ZNF385D: variants seen among roughly 807,000 people sequenced by gnomAD.
ZNF385D encodes the protein zinc finger protein 659.
ZNF385D carries 15 observed loss-of-function variants against 35.8 expected under a neutral mutation model. That is an observed-to-expected ratio of 0.42 (90% CI 0.28 to 0.64). The LOEUF is 0.64. Among genes scored for constraint, ZNF385D ranks in the 30% least tolerant of loss-of-function variants. ZNF385D has a pLI of 0.23. For synonymous variants in ZNF385D, 212 were observed against 186.8 expected (o/e 1.13, Z -1.10); for missense variants, 474 against 494.6 (o/e 0.96, Z 0.39).
chr3:21,569,500 T>G (rs2063259247), intron 2 of ZNF385D, among the ~76,000 whole-genome samples: 1 of 151,002 alleles, frequency 6.6e-6, no homozygotes, highest in African/African-American at 2.5e-5. Context: ...CACTGATGGG[T>G]CTTGACTCTT....
At chr3:21,519,689 A>C (rs1424873547) in intron 3 of ZNF385D, among the ~76,000 whole-genome samples, 1 of 152,176 alleles carries the variant, frequency 6.6e-6, no homozygotes, top group Non-Finnish European at 1.5e-5. Flanking sequence ...TAAATCAGAG[A>C]TCTAAATGAC....
chr3:22,232,552 T>TG (rs1698956441), intron 2 of ZNF385D, among the ~76,000 whole-genome samples: 1 of 152,136 alleles, frequency 6.6e-6, no homozygotes, highest in Admixed American at 6.6e-5. Context: ...TCCCCATCCC[T>TG]GACAGGCCCT....
At chr3:21,831,781 T>C (rs1437637337) in intron 3 of ZNF385D, among the ~76,000 whole-genome samples, 3 of 152,196 alleles carry the variant, frequency 2.0e-5, no homozygotes, top group Non-Finnish European at 4.4e-5. Flanking sequence ...CTGAGTCTGA[T>C]CAATTCTGGA....
intron 2 of ZNF385D, among the ~76,000 whole-genome samples, chr3:22,284,531 T>C (rs761887303): frequency 4.6e-5 from 7 of 151,888 alleles, no homozygotes; most frequent in Admixed American, 2.0e-4. Context: ...CTTTTATACA[T>C]CGTGCATCAA....
Position 21,437,058 on chromosome 3 carries a change from G to A in ZNF385D, c.585C>T (p.Thr195=), listed in dbSNP as rs146935576. 2.5e-6 allele frequency: 4 copies of A among 1,613,798 alleles called. No individual in the cohort carries two copies. In the African/African-American group the frequency reaches 4.0e-5, roughly 16 times the overall value. Residue 195 remains threonine, a synonymous_variant, in exon 5 of 8, where the codon ACC becomes ACT. Coordinates refer to ENST00000281523, the MANE Select transcript of ZNF385D (RefSeq NM_024697.3). ...GAAGCCGTTTTGCCTTTTCTTCCTC[G>A]GTCTCAGTAGAAGGACATGAGCTAT... is the stretch of plus-strand genomic sequence containing the variant. ...TGNSSCPSTE[T]EEEKAKRLLY...
intron 2 of ZNF385D, among the ~76,000 whole-genome samples, chr3:21,567,742 A>AAAATG (rs1408810900): frequency 6.6e-5 from 10 of 152,320 alleles, no homozygotes; most frequent in Non-Finnish European, 1.3e-4. Flanking sequence ...CTTTGAAATA[A>AAAATG]AAATGAACTG....
chr3:22,330,681 G>C (rs1295946602), intron 2 of ZNF385D, among the ~76,000 whole-genome samples: 1 of 152,152 alleles, frequency 6.6e-6, no homozygotes, highest in African/African-American at 2.4e-5. Context: ...CCTCTACACT[G>C]TGATGCATGT....
At chr3:21,665,154 T>C (rs1575422988) in intron 1 of ZNF385D, 126 bp from the exon 2 acceptor site, 1 of 1,245,638 alleles carries the variant, frequency 8.0e-7, no homozygotes, top group Non-Finnish European at 1.1e-6. Flanking sequence ...TGGACTCTAT[T>C]GACCTCAACT....
intron 3 of ZNF385D, among the ~76,000 whole-genome samples, chr3:21,988,553 G>C (rs1694952062): frequency 6.7e-6 from 1 of 149,674 alleles, no homozygotes; most frequent in African/African-American, 2.4e-5. Flanking sequence ...CATGCTGGGA[G>C]AACCACTGCT....
chr3:21,620,955 G>A (rs1281514361), intron 2 of ZNF385D, among the ~76,000 whole-genome samples: 1 of 152,086 alleles, frequency 6.6e-6, no homozygotes, highest in Non-Finnish European at 1.5e-5. Flanking sequence ...CTATGTGCCT[G>A]TGTGCTTATA....
chr3:22,254,256 T>C (rs1000885091), intron 2 of ZNF385D, among the ~76,000 whole-genome samples: 1 of 151,898 alleles, frequency 6.6e-6, no homozygotes, highest in African/African-American at 2.4e-5. Flanking sequence ...TGAGTCTTAC[T>C]AGCAAACATA....
At chr3:22,349,885 T>G (rs1253358916) in intron 2 of ZNF385D, among the ~76,000 whole-genome samples, 1 of 152,052 alleles carries the variant, frequency 6.6e-6, no homozygotes. Flanking sequence ...AATAACCAAT[T>G]AATAATATAA....
At chr3:22,089,219 C>G (rs1276307990) in intron 3 of ZNF385D, among the ~76,000 whole-genome samples, 2 of 152,300 alleles carry the variant, frequency 1.3e-5, no homozygotes, top group East Asian at 3.9e-4. Context: ...CAAAAATACT[C>G]TCCTACTTTC....
intron 3 of ZNF385D, among the ~76,000 whole-genome samples, chr3:21,810,519 T>C (rs1210936817): frequency 6.6e-6 from 1 of 152,052 alleles, no homozygotes; most frequent in Non-Finnish European, 1.5e-5. Context: ...ACTTAAAGTA[T>C]AATAAAAAAA....
At chr3:21,755,057 CCA>C (rs1242983964), upstream of ZNF385D, among the ~76,000 whole-genome samples, 1 of 152,180 alleles carries the variant, frequency 6.6e-6, no homozygotes, top group Non-Finnish European at 1.5e-5. Flanking sequence ...GTACTGCAGG[CCA>C]CAGTTTGTGA....
intron 2 of ZNF385D, among the ~76,000 whole-genome samples, chr3:21,615,627 C>T (rs573816780): frequency 1.3e-5 from 2 of 152,016 alleles, no homozygotes; most frequent in African/African-American, 4.8e-5. Context: ...TTTTTTTCAA[C>T]ATCAAAACAC....
At chr3:21,933,018 T>C (rs1424683252) in intron 3 of ZNF385D, among the ~76,000 whole-genome samples, 1 of 152,150 alleles carries the variant, frequency 6.6e-6, no homozygotes, top group African/African-American at 2.4e-5. Flanking sequence ...CCAGGGGATG[T>C]TGAAGTTCTG....
At chr3:21,837,848 G>C (rs1004253577) in intron 3 of ZNF385D, among the ~76,000 whole-genome samples, 1 of 141,426 alleles carries the variant, frequency 7.1e-6, no homozygotes, top group African/African-American at 2.7e-5. Flanking sequence ...TTCCAGCCTG[G>C]TAACAGTGTG....
Position 22,140,772 on chromosome 3 carries a change from A to G in ZNF385D, c.325+28045T>C, listed in dbSNP as rs530966276. ...ACATTTTGTGGGAAAATTTGAATCA[A>G]TATAAATTCTCAAGGTATGGCCATT... On this transcript the variant is annotated intron_variant, in intron 3 of 5. Transcript: ENST00000494108. 2.0e-5 allele frequency among the ~76,000 whole-genome samples: 3 copies of G among 152,340 alleles called. No individual in the cohort carries two copies. In the South Asian group the frequency reaches 6.2e-4, roughly 32 times the overall value.
Sources: allele counts gnomAD v4.1 joint callset (sites outside exome capture counted in the v4.1 genomes callset), GRCh38; gene constraint gnomAD v4.1.1; transcripts MANE v1.5; gene names NCBI Gene and HGNC (gene_info 2026-07-23, HGNC 2026-07-21).